The following SLIT3 variants were observed in gnomAD, a reference collection of about 807,000 sequenced individuals.
The protein encoded by SLIT3 is slit homolog 3 protein.
SLIT3 carries 68 observed loss-of-function variants against 184.0 expected under a neutral mutation model. The observed-to-expected ratio is 0.37, with a 90% confidence interval of 0.30 to 0.45. The LOEUF (loss-of-function observed/expected upper bound fraction) is 0.45. Among genes scored for constraint, SLIT3 ranks in the 20% least tolerant of loss-of-function variants. SLIT3 has a pLI of 1.00. For missense variants in SLIT3, 1,707 were observed against 2,026.0 expected, an observed-to-expected ratio of 0.84 and a Z score of 3.02; for synonymous variants, 831 against 828.6, an observed-to-expected ratio of 1.00 and a Z score of -0.05.
intron 19 of SLIT3, among the ~76,000 whole-genome samples, 193 bp from the exon 20 acceptor site, chr5:168,748,627 A>T (rs529371967): frequency 7.9e-4 from 121 of 152,298 alleles, no homozygotes; most frequent in Non-Finnish European, 1.1e-3. Flanking sequence ...CTCATTTGAC[A>T]TAAGATGAAG....
intron 4 of SLIT3, among the ~76,000 whole-genome samples, chr5:168,916,264 G>A (rs959579576): frequency 2.8e-4 from 42 of 152,200 alleles, no homozygotes; most frequent in African/African-American, 9.6e-4. Context: ...GCCTCTGAAT[G>A]TCATTGCTGT....
At chr5:168,789,669 A>C in intron 10 of SLIT3, 38 bp from the exon 11 acceptor site, 5 of 1,530,522 alleles carry the variant, frequency 3.3e-6, no homozygotes, top group Non-Finnish European at 4.5e-6. Flanking sequence ...AACATGGCTC[A>C]AAGGTGCGAT....
chr5:169,213,465 T>C, intron 3 of SLIT3, among the ~76,000 whole-genome samples: 1 of 152,230 alleles, frequency 6.6e-6, no homozygotes, highest in African/African-American at 2.4e-5. Context: ...AGAGCCTGCA[T>C]AGCCAAGACA....
chr5:169,257,000 C>A (rs974506911), intron 1 of SLIT3, among the ~76,000 whole-genome samples: 2 of 150,564 alleles, frequency 1.3e-5, no homozygotes, highest in African/African-American at 2.4e-5. Context: ...TTGAGTTGTG[C>A]TCAAGACAGA....
At chr5:168,949,792 A>T (rs1467337938) in intron 4 of SLIT3, among the ~76,000 whole-genome samples, 1 of 151,978 alleles carries the variant, frequency 6.6e-6, no homozygotes, top group Non-Finnish European at 1.5e-5. Context: ...GGCTCTCACT[A>T]TGTTACTCAG....
chr5:169,117,792 G>A (rs984283223), intron 4 of SLIT3, among the ~76,000 whole-genome samples: 3 of 152,224 alleles, frequency 2.0e-5, no homozygotes, highest in African/African-American at 4.8e-5. Flanking sequence ...CAAGGTGAGT[G>A]CCAAATATTG....
At chr5:169,287,073 A>G in intron 1 of SLIT3, among the ~76,000 whole-genome samples, 1 of 152,326 alleles carries the variant, frequency 6.6e-6, no homozygotes, top group South Asian at 2.1e-4. Context: ...ATGTATGCCT[A>G]AACAGAGTAA....
At chr5:169,220,898 C>T (rs551115658) in intron 3 of SLIT3, among the ~76,000 whole-genome samples, 3 of 152,294 alleles carry the variant, frequency 2.0e-5, no homozygotes, top group African/African-American at 7.2e-5. Context: ...CTACTACCCC[C>T]CAACTTCTCC....
chr5:168,906,289 G>GT (rs2113053421), intron 4 of SLIT3, among the ~76,000 whole-genome samples: 2 of 152,326 alleles, frequency 1.3e-5, no homozygotes, highest in South Asian at 4.1e-4. Flanking sequence ...TTGCCTTTGT[G>GT]TTGCCCATTG....
intron 6 of SLIT3, among the ~76,000 whole-genome samples, chr5:168,837,544 C>T (rs539241820): frequency 6.6e-6 from 1 of 152,114 alleles, no homozygotes; most frequent in Non-Finnish European, 1.5e-5. Context: ...AAAATGATTC[C>T]AGGACAACCA....
chr5:169,174,176 C>T (rs1026864465), intron 4 of SLIT3, among the ~76,000 whole-genome samples: 3 of 152,180 alleles, frequency 2.0e-5, no homozygotes, highest in South Asian at 4.1e-4. Context: ...TGGGGTCTTT[C>T]GGGCCATCCT....
rs530711733 is a variant in SLIT3, at chr5:168,717,877, G to T, written c.2483+4379C>A. ...AGGTTTCACCATATTAGCCAGGATG[G>T]TCTCGATCTCCTGACCTCATGATCC... On this transcript the variant is annotated intron_variant, in intron 23 of 35. Coordinates refer to ENST00000519560, the MANE Select transcript of SLIT3 (RefSeq NM_003062.4). Among the ~76,000 whole-genome samples, 13 of 152,116 alleles carry T rather than the reference G, an allele frequency of 8.5e-5. No individual in the cohort carries two copies. The South Asian group carries it at 1.9e-3, about 22-fold the overall frequency.
chr5:168,913,617 C>T (rs965850274), intron 4 of SLIT3, among the ~76,000 whole-genome samples: 1 of 151,842 alleles, frequency 6.6e-6, no homozygotes, highest in African/African-American at 2.4e-5. Flanking sequence ...TGGCAGGCGC[C>T]TGTAATCCCA....
At chr5:169,235,239 A>G (rs1052429013) in intron 3 of SLIT3, among the ~76,000 whole-genome samples, 4 of 152,108 alleles carry the variant, frequency 2.6e-5, no homozygotes, top group South Asian at 2.1e-4. Flanking sequence ...ACTTAAGAAT[A>G]CTCTTTCCAT....
intron 16 of SLIT3, among the ~76,000 whole-genome samples, chr5:168,759,599 C>T (rs958639960): frequency 2.6e-5 from 4 of 152,210 alleles, no homozygotes; most frequent in African/African-American, 9.6e-5. Flanking sequence ...CACTGGTTTA[C>T]AGCATGAGAG....
chr5:168,676,698 T>A (rs1342119172), intron 32 of SLIT3, among the ~76,000 whole-genome samples: 1 of 147,746 alleles, frequency 6.8e-6, no homozygotes, highest in East Asian at 2.0e-4. Context: ...TGGATGCAAA[T>A]GAGCTCACCA....
At chr5:168,705,474 C>G (rs912984506) in intron 26 of SLIT3, among the ~76,000 whole-genome samples, 1 of 152,100 alleles carries the variant, frequency 6.6e-6, no homozygotes, top group African/African-American at 2.4e-5. Context: ...CCATTAGCAC[C>G]ATTACCATCA....
intron 16 of SLIT3, among the ~76,000 whole-genome samples, chr5:168,758,842 A>G (rs561926567): frequency 6.6e-6 from 1 of 152,346 alleles, no homozygotes; most frequent in African/African-American, 2.4e-5. Flanking sequence ...CACTCTCATT[A>G]TAAGTAAGCA....
chr5:168,898,425 T>C (rs1760760250), intron 4 of SLIT3, among the ~76,000 whole-genome samples: 1 of 149,584 alleles, frequency 6.7e-6, no homozygotes, highest in Non-Finnish European at 1.5e-5. Flanking sequence ...AAGATCCAGC[T>C]CCTCTCTTCT....
Sources: allele counts gnomAD v4.1 joint callset (sites outside exome capture counted in the v4.1 genomes callset), GRCh38; gene constraint gnomAD v4.1.1; transcripts MANE v1.5; gene names NCBI Gene and HGNC (gene_info 2026-07-23, HGNC 2026-07-21).